The following PPIG variants were observed in gnomAD, a reference collection of about 807,000 sequenced individuals.
The protein encoded by PPIG is peptidyl-prolyl cis-trans isomerase G.
A neutral mutation model predicts 87.9 loss-of-function variants in PPIG; 26 were observed. That is an observed-to-expected ratio of 0.30 (90% CI 0.22 to 0.41). PPIG has a LOEUF of 0.41. Among genes scored for constraint, PPIG ranks in the 10% least tolerant of loss-of-function variants. PPIG has a pLI of 1.00. For synonymous variants in PPIG, 308 were observed against 276.5 expected (o/e 1.11, Z -1.13); for missense variants, 722 against 879.4 (o/e 0.82, Z 2.26).
At chr2:169,612,171 A>G (rs1685507897) in intron 7 of PPIG, among the ~76,000 whole-genome samples, 1 of 152,048 alleles carries the variant, frequency 6.6e-6, no homozygotes, top group Non-Finnish European at 1.5e-5. Flanking sequence ...TTGTACAACC[A>G]TCACCACTAT....
intron 1 of PPIG, among the ~76,000 whole-genome samples, chr2:169,597,822 A>G (rs1330813234): frequency 1.3e-5 from 2 of 151,904 alleles, no homozygotes; most frequent in Admixed American, 6.6e-5. Context: ...AAAATATACA[A>G]AGACAGTATA....
At chr2:169,591,640 TG>T (rs1253120742) in intron 1 of PPIG, among the ~76,000 whole-genome samples, 1 of 152,082 alleles carries the variant, frequency 6.6e-6, no homozygotes, top group Non-Finnish European at 1.5e-5. Flanking sequence ...GGTAAGTACA[TG>T]AGGTCAAGTA....
chr2:169,631,811 G>A lies in PPIG; in HGVS notation c.807G>A (p.Gln269=). The change falls in exon 11 of 14, where the codon CAG becomes CAA. Residue 269 remains glutamine, a synonymous_variant. Transcript: ENST00000260970. ...SEAENLEAQP[Q]STVRPEEIPP... is the part of the protein sequence containing the mutation. Reference sequence around the variant, plus strand: ...CTGAAAATCTTGAAGCACAACCCCAGTCTACTGTCCGTCCAGAAGAGATCC... The same window carrying A: ...CTGAAAATCTTGAAGCACAACCCCAATCTACTGTCCGTCCAGAAGAGATCC... 1 of 1,613,776 alleles carries A rather than the reference G, an allele frequency of 6.2e-7. No homozygotes were observed. Among genetic ancestry groups the A allele is most frequent in the Non-Finnish European group, 8.5e-7 (1 of 1,179,810 alleles).
At chr2:169,633,499 G>A (rs1002991774) in intron 12 of PPIG, 15 of 530,462 alleles carry the variant, frequency 2.8e-5, no homozygotes, top group African/African-American at 6.1e-5. Context: ...CTTGTCTCCC[G>A]TGTTTCTTGG....
chr2:169,615,468 A>G (rs1242045879), intron 9 of PPIG, among the ~76,000 whole-genome samples: 1 of 152,156 alleles, frequency 6.6e-6, no homozygotes, highest in African/African-American at 2.4e-5. Context: ...CATTTGTCCA[A>G]CACATTTCCT....
At chr2:169,589,982 T>C (rs189526169) in intron 1 of PPIG, among the ~76,000 whole-genome samples, 36 of 151,774 alleles carry the variant, frequency 2.4e-4, no homozygotes, top group African/African-American at 7.0e-4. Flanking sequence ...GCTGGCGCAT[T>C]CCAGTAATCC....
At chr2:169,590,362 C>T (rs1378710340) in intron 1 of PPIG, among the ~76,000 whole-genome samples, 1 of 151,970 alleles carries the variant, frequency 6.6e-6, no homozygotes, top group African/African-American at 2.4e-5. Context: ...AAGTCAGGGC[C>T]TGGAGCAGTG....
At chr2:169,615,690 C>T (rs933392372) in intron 9 of PPIG, among the ~76,000 whole-genome samples, 5 of 150,742 alleles carry the variant, frequency 3.3e-5, no homozygotes, top group African/African-American at 2.4e-5. Flanking sequence ...TTAAAAAATC[C>T]GTTCATCTGT....
chr2:169,605,234 T>C (rs1329289560), intron 4 of PPIG, among the ~76,000 whole-genome samples: 1 of 152,048 alleles, frequency 6.6e-6, no homozygotes, highest in Admixed American at 6.6e-5. Flanking sequence ...CTCGGGAGGC[T>C]CAGACAGGAG....
intron 1 of PPIG, among the ~76,000 whole-genome samples, chr2:169,599,121 G>A (rs183549993): frequency 3.5e-4 from 53 of 152,040 alleles, no homozygotes; most frequent in Middle Eastern, 6.8e-3. Context: ...TTGTAATATG[G>A]ATATTTGTTG....
chr2:169,587,912 T>C (rs1684750418), intron 1 of PPIG, among the ~76,000 whole-genome samples: 2 of 152,120 alleles, frequency 1.3e-5, no homozygotes, highest in East Asian at 1.9e-4. Flanking sequence ...TCCCAGCACT[T>C]TGGGAGGCCG....
chr2:169,615,480 C>G (rs1176191466), intron 9 of PPIG, among the ~76,000 whole-genome samples: 1 of 152,214 alleles, frequency 6.6e-6, no homozygotes, highest in East Asian at 1.9e-4. Flanking sequence ...ACATTTCCTT[C>G]TCTAATCCCA....
chr2:169,635,307 A>T (rs2105523561), intron 12 of PPIG, among the ~76,000 whole-genome samples: 1 of 152,218 alleles, frequency 6.6e-6, no homozygotes, highest in Admixed American at 6.5e-5. Context: ...TGCTTACCTC[A>T]TCAATGTTAT....
chr2:169,593,650 C>CTTTTTT (rs57902378), intron 1 of PPIG, among the ~76,000 whole-genome samples: 8 of 106,188 alleles, frequency 7.5e-5, no homozygotes, highest in South Asian at 3.1e-4. Context: ...TGCTTTATAT[C>CTTTTTT]TTTTTTTTTT....
intron 1 of PPIG, among the ~76,000 whole-genome samples, chr2:169,588,530 G>A (rs1056436846): frequency 1.3e-5 from 2 of 152,116 alleles, no homozygotes; most frequent in Non-Finnish European, 2.9e-5. Context: ...AACTCCAAAT[G>A]TTCTTATTTT....
At chr2:169,598,700 A>G (rs893711156) in intron 1 of PPIG, among the ~76,000 whole-genome samples, 2 of 151,752 alleles carry the variant, frequency 1.3e-5, no homozygotes, top group Admixed American at 1.3e-4. Context: ...TCTTTCTAAT[A>G]GCTTTGTACT....
chr2:169,610,973 A>G (rs755463410), intron 7 of PPIG, among the ~76,000 whole-genome samples: 2 of 152,146 alleles, frequency 1.3e-5, no homozygotes. Flanking sequence ...TGGGAAGCCG[A>G]GGTGGCGGGT....
intron 7 of PPIG, among the ~76,000 whole-genome samples, chr2:169,612,151 A>G (rs1396219607): frequency 1.3e-5 from 2 of 151,838 alleles, no homozygotes; most frequent in East Asian, 2.0e-4. Context: ...AGTCATGTGT[A>G]TTCACAGTGT....
chr2:169,604,048 A>G lies in PPIG; in HGVS notation c.7A>G (p.Ile3Val). Residue 3 changes from isoleucine (I) to valine (V), a missense_variant, in exon 3 of 14, where the codon ATA (isoleucine) becomes GTA (valine). This residue lies in a region of PPIG where 99 missense variants were observed against 215.8 expected (regional missense o/e 0.46). Coordinates refer to ENST00000260970, the MANE Select transcript of PPIG (RefSeq NM_004792.3). ...CAGATTAAGTATTGGAGCCATGGGA[A>G]TAAAGGTTCAACGTCCTCGATGTTT... MG[I>V]KVQRPRCFFD... 6.2e-7 allele frequency: 1 copy of G among 1,613,624 alleles called. No homozygotes were observed. The highest frequency in any genetic ancestry group is 8.5e-7 in the Non-Finnish European group (1 of 1,179,640).
Sources: gnomAD v4.1 joint callset for allele counts (sites outside exome capture counted in the v4.1 genomes callset) on GRCh38, gnomAD v4.1.1 for gene constraint, gnomAD v4.1.1 regional missense constraint, MANE v1.5 for transcripts, NCBI Gene and HGNC (gene_info 2026-07-23, HGNC 2026-07-21) for gene names.